Variants in PEX26 observed in about 807,000 individuals in gnomAD.
PEX26 encodes peroxisome assembly protein 26.
A neutral mutation model predicts 31.4 loss-of-function variants in PEX26; 18 were observed. That is an observed-to-expected ratio of 0.57 (90% CI 0.40 to 0.85). The LOEUF (loss-of-function observed/expected upper bound fraction) is 0.85. PEX26 is among the 40% of genes least tolerant of loss of function. The pLI is 0.00. For missense variants in PEX26, 377 were observed against 383.9 expected (o/e 0.98, Z 0.15); for synonymous variants, 176 against 166.9 (o/e 1.05, Z -0.42).
chr22:18,081,245 T>TATACAC (rs376620855), intron 2 of PEX26, among the ~76,000 whole-genome samples: 6 of 138,024 alleles, frequency 4.3e-5, no homozygotes, highest in African/African-American at 1.6e-4. Flanking sequence ...TGTACACATA[T>TATACAC]ACACACACAC....
rs1035511948 is a variant in PEX26, at chr22:18,091,861, A to C, written c.*3786A>C. 1.3e-5 allele frequency: 2 copies of C among 152,208 alleles called. No homozygotes were observed. Among genetic ancestry groups the C allele is most frequent in the Admixed American group, 1.3e-4 (2 of 15,278 alleles). 9.4% of individuals were successfully genotyped at this position (152,208 alleles called of 1,614,324 possible). On this transcript the variant is annotated 3_prime_UTR_variant, in exon 5 of 5. Coordinates refer to ENST00000399744, the MANE Select transcript of PEX26 (RefSeq NM_001127649.3). ...GCAGCAGTGGTCAGAGCTCTTTACT[A>C]TTACTTTTGGGCAAACGCAAGCCAG...
intron 2 of PEX26, among the ~76,000 whole-genome samples, chr22:18,080,604 A>G (rs1926532665): frequency 6.6e-6 from 1 of 152,220 alleles, no homozygotes; most frequent in African/African-American, 2.4e-5. Flanking sequence ...TGCTGGGATT[A>G]CAGATGTGAG....
In PEX26 at chr22:18,096,911, G is replaced by A. The variant is rs1927313844; in HGVS notation, c.*8836G>A. 1.3e-5 allele frequency: 2 copies of A among 152,238 alleles called. No homozygotes were observed. Among genetic ancestry groups the A allele is most frequent in the Non-Finnish European group, 2.9e-5 (2 of 68,076 alleles). 9.4% of individuals were successfully genotyped at this position (152,238 alleles called of 1,614,324 possible). On this transcript the variant is annotated 3_prime_UTR_variant, in exon 5 of 5. Transcript: ENST00000399744. ...GACTGGGTAATTGTTGAAGAAAAGAGGTTTAACTGACTCACAGTTCTGCAT... is the reference window on the plus strand; with the variant it reads ...GACTGGGTAATTGTTGAAGAAAAGAAGTTTAACTGACTCACAGTTCTGCAT...
chr22:18,083,537 G>T lies in PEX26; in HGVS notation c.472G>T (p.Ala158Ser). The change falls in exon 3 of 5, where the codon GCC becomes TCC. Residue 158 changes from alanine (A) to serine (S), a missense_variant. Coordinates refer to ENST00000399744, the MANE Select transcript of PEX26 (RefSeq NM_001127649.3). ...CAATCAAAACCTTCCAGAATATGGA[G>T]CCTTGGCAGAATTTCACGTGCAGCG... ...PANQNLPEYG[A>S]LAEFHVQRVL... The T allele has an allele frequency of 6.2e-7, 1 of 1,614,122 alleles. No individual in the cohort carries two copies. Among genetic ancestry groups the T allele is most frequent in the South Asian group, 1.1e-5 (1 of 91,080 alleles).
At position 18,100,107 on chromosome 22, in the gene PEX26, A is replaced by G. The variant is rs1255350152; in HGVS notation, c.*12032A>G. The G allele has an allele frequency of 6.6e-6, 1 of 152,014 alleles. No individual in the cohort carries two copies. The highest frequency in any genetic ancestry group is 1.9e-4 in the East Asian group (1 of 5,184). 9.4% of individuals were successfully genotyped at this position (152,014 alleles called of 1,614,324 possible). On this transcript the variant is annotated 3_prime_UTR_variant, in exon 5 of 5. Transcript: ENST00000399744. Reference sequence around the variant, plus strand: ...TTATTATTTTTGAGATAGAGTTTCAATCTTGTTGCCCAGGCTGGAGTGCAA... The same window carrying G: ...TTATTATTTTTGAGATAGAGTTTCAGTCTTGTTGCCCAGGCTGGAGTGCAA...
rs992575746 is a variant in PEX26, at chr22:18,078,398, T to A, written c.22T>A (p.Ser8Thr). 2 of 1,599,384 alleles carry A rather than the reference T, an allele frequency of 1.3e-6. No individual in the cohort carries two copies. The highest frequency in any genetic ancestry group is 1.7e-6 in the Non-Finnish European group (2 of 1,174,896). Reference sequence around the variant, plus strand: ...CGTTATGAAGAGCGATTCTTCGACCTCTGCAGCCCCCCTCAGGGGGCTCGG... The same window carrying A: ...CGTTATGAAGAGCGATTCTTCGACCACTGCAGCCCCCCTCAGGGGGCTCGG... MKSDSSTSAAPLRGLGGP... is the reference protein window; with the variant it reads MKSDSSTTAAPLRGLGGP... Residue 8 changes from serine to threonine, a missense_variant, in exon 1 of 5, where the codon TCT becomes ACT. By Grantham distance (58) the Ser-to-Thr change is moderately conservative (BLOSUM62 1). Transcript: ENST00000399744.
intron 1 of PEX26, among the ~76,000 whole-genome samples, chr22:18,079,600 C>T (rs1227566178): frequency 1.3e-5 from 2 of 152,182 alleles, no homozygotes; most frequent in African/African-American, 4.8e-5. Context: ...CAGGATTACC[C>T]TTCCTCTTCA....
At chr22:18,085,298 G>T in intron 4 of PEX26, 40 bp downstream of exon 4, 1 of 1,608,492 alleles carries the variant, frequency 6.2e-7, no homozygotes, top group Non-Finnish European at 8.5e-7. Flanking sequence ...CCTGGGAAGG[G>T]GTTGTTGCCA....
chr22:18,080,648 T>A (rs1393967078), intron 2 of PEX26, among the ~76,000 whole-genome samples: 3 of 152,210 alleles, frequency 2.0e-5, no homozygotes, highest in East Asian at 1.9e-4. Flanking sequence ...ACAAAGTTTT[T>A]AAAATTGACA....
At chr22:18,082,853 T>C (rs143672571) in intron 2 of PEX26, among the ~76,000 whole-genome samples, 3 of 152,344 alleles carry the variant, frequency 2.0e-5, no homozygotes, top group Admixed American at 2.0e-4. Flanking sequence ...TTTTTGTGTG[T>C]CCCCTTCAAC....
Position 18,082,064 on chromosome 22 carries a change from T to TTG in PEX26, c.372-1372_372-1371insGT, listed in dbSNP as rs1402414107. ...GGTCTTTTTCCCTTTTGAATCAGGT[T>TTG]TTTTTTTTTTTTTTCTGCTGTTAAG... On this transcript the variant is annotated intron_variant, in intron 2 of 4. Coordinates refer to ENST00000399744, the MANE Select transcript of PEX26 (RefSeq NM_001127649.3). 7.0e-5 allele frequency among the ~76,000 whole-genome samples: 5 copies of TTG among 71,264 alleles called. No individual in the cohort carries two copies. The East Asian group carries it at 1.1e-3, about 16-fold the overall frequency. 46.8% of individuals were successfully genotyped at this position (71,264 alleles called of 152,430 possible). A position where few individuals can be genotyped will look rare whatever the true frequency, so the allele number is the denominator to read the frequency against.
intron 1 of PEX26, chr22:18,078,867 G>A (rs1926427283): frequency 1.5e-6 from 1 of 662,658 alleles, no homozygotes; most frequent in African/African-American, 1.8e-5. Context: ...TGGGAAGGCT[G>A]AATGTGTATT....
intron 2 of PEX26, 32 bp downstream of exon 2, chr22:18,080,046 T>A (rs1926490905): frequency 6.2e-7 from 1 of 1,612,888 alleles, no homozygotes; most frequent in Non-Finnish European, 8.5e-7. Flanking sequence ...ATCAGATCGG[T>A]TCAGAAACGA....
intron 1 of PEX26, chr22:18,078,929 C>T (rs955984569): frequency 6.1e-6 from 3 of 488,886 alleles, no homozygotes; most frequent in East Asian, 8.8e-5. Flanking sequence ...TCCCAGGTAC[C>T]TCCGCCCTCC....
rs1927263130 is a variant in PEX26, at chr22:18,095,476, C to T, written c.*7401C>T. The T allele has an allele frequency of 6.6e-6, 1 of 152,152 alleles. No individual in the cohort carries two copies. Among genetic ancestry groups the T allele is most frequent in the Non-Finnish European group, 1.5e-5 (1 of 68,032 alleles). The allele number at this position is 152,152 out of a possible 1,614,324, so 9.4% of individuals were successfully genotyped here. Reference sequence around the variant, plus strand: ...GTCGCCCCACCAGAGACATCCTACCCATTCCCAGTCCCTCTGTGGGCTCTG... The same window carrying T: ...GTCGCCCCACCAGAGACATCCTACCTATTCCCAGTCCCTCTGTGGGCTCTG... On this transcript the variant is annotated 3_prime_UTR_variant, in exon 5 of 5. Transcript: ENST00000399744.
In PEX26 at chr22:18,088,201, T is replaced by G. The variant is rs764930329; in HGVS notation, c.*126T>G. The G allele has an allele frequency of 1.3e-6, 1 of 773,366 alleles. No homozygotes were observed. Among genetic ancestry groups the G allele is most frequent in the South Asian group, 1.4e-5 (1 of 73,382 alleles). 47.9% of individuals were successfully genotyped at this position (773,366 alleles called of 1,614,324 possible). On this transcript the variant is annotated 3_prime_UTR_variant, in exon 5 of 5. Transcript: ENST00000399744. The surrounding 1 kb of genome is among the most constrained non-coding windows in gnomAD (Gnocchi z 4.1). ...CAGCCTAATCTCGCGGAGTGCACTG[T>G]GTCTTGCTGCCTGGGTGCCCTCTCC...
intron 2 of PEX26, among the ~76,000 whole-genome samples, chr22:18,080,968 G>A (rs1196014100): frequency 6.7e-6 from 1 of 148,908 alleles, no homozygotes; most frequent in African/African-American, 2.5e-5. Flanking sequence ...GGTAACCACC[G>A]TTCTACCGTC....
chr22:18,085,220 C>T lies in PEX26; in HGVS notation c.776C>T (p.Ala259Val), dbSNP rs1438615858. 3.7e-6 allele frequency: 6 copies of T among 1,614,132 alleles called. No individual in the cohort carries two copies. In the Admixed American group the frequency reaches 5.0e-5, roughly 13 times the overall value. The change falls in exon 4 of 5, where the codon GCC (alanine) becomes GTC (valine). Residue 259 changes from alanine (A) to valine (V), a missense_variant. Ala to Val is a moderately conservative substitution (Grantham distance 64, BLOSUM62 0). Coordinates refer to ENST00000399744, the MANE Select transcript of PEX26 (RefSeq NM_001127649.3). ...SLPFKKSLLA[A>V]LILCLLVVRF... Reference sequence around the variant, plus strand: ...CCCTTCAAAAAGAGTCTCCTGGCTGCCTTGATCCTCTGTCTCCTGGTGGTG... The same window carrying T: ...CCCTTCAAAAAGAGTCTCCTGGCTGTCTTGATCCTCTGTCTCCTGGTGGTG...
Position 18,078,610 on chromosome 22 carries a change from C to A in PEX26, c.230+4C>A. ...TGGCAGAGGAACCCGCGGGCACGTACGTGCTGGGCTCGGAAATGAACCGAT... is the reference window on the plus strand; with the variant it reads ...TGGCAGAGGAACCCGCGGGCACGTAAGTGCTGGGCTCGGAAATGAACCGAT... On this transcript the variant is annotated splice_donor_region_variant and intron_variant, in intron 1 of 4. Coordinates refer to ENST00000399744, the MANE Select transcript of PEX26 (RefSeq NM_001127649.3). The A allele has an allele frequency of 1.3e-6, 2 of 1,597,292 alleles. No homozygotes were observed. The highest frequency in any genetic ancestry group is 8.5e-7 in the Non-Finnish European group (1 of 1,174,696).
Sources: allele counts gnomAD v4.1 joint callset (sites outside exome capture counted in the v4.1 genomes callset), GRCh38; gene constraint gnomAD v4.1.1; non-coding constraint Gnocchi (gnomAD v3.1); transcripts MANE v1.5; gene names NCBI Gene and HGNC (gene_info 2026-07-23, HGNC 2026-07-21).